Variants in DLG2 observed in about 807,000 individuals in gnomAD.
DLG2 encodes the protein discs large MAGUK scaffold protein 2.
Under a neutral mutation model 132.5 loss-of-function variants are expected in DLG2, and 45 were observed. The ratio of observed to expected loss-of-function variants is 0.34; its 90% CI spans 0.27 to 0.44. DLG2 has a LOEUF of 0.44. Among genes scored for constraint, DLG2 ranks in the 20% least tolerant of loss-of-function variants. The pLI, the probability that DLG2 is intolerant of heterozygous loss-of-function variation, is 1.00. For synonymous variants in DLG2, 424 were observed against 419.6 expected (o/e 1.01, Z -0.13); for missense variants, 1,045 against 1,196.9 (o/e 0.87, Z 1.87).
intron 7 of DLG2, among the ~76,000 whole-genome samples, chr11:84,501,938 T>A (rs1017008502): frequency 3.9e-5 from 6 of 152,104 alleles, no homozygotes; most frequent in Non-Finnish European, 8.8e-5. Flanking sequence ...TCCTGCTTTT[T>A]CCCCCAAGCA....
chr11:85,613,656 A>T (rs374278174), intron 2 of DLG2, among the ~76,000 whole-genome samples: 1 of 152,202 alleles, frequency 6.6e-6, no homozygotes, highest in Non-Finnish European at 1.5e-5. Context: ...AAAACGGACC[A>T]ATCAGCACTC....
intron 11 of DLG2, among the ~76,000 whole-genome samples, chr11:84,042,270 T>C (rs562276371): frequency 9.2e-5 from 14 of 151,908 alleles, no homozygotes; most frequent in Non-Finnish European, 1.8e-4. Context: ...ATTTTCAGAA[T>C]CTATAGTCTT....
intron 6 of DLG2, chr11:84,640,389 T>G (rs947765565): frequency 4.4e-5 from 17 of 384,726 alleles, no homozygotes; most frequent in Middle Eastern, 1.9e-3. Context: ...TGTTGCTTGT[T>G]TGGTATCTCA....
chr11:84,273,397 A>G, intron 7 of DLG2: 1 of 1,260,312 alleles, frequency 7.9e-7, no homozygotes, highest in Non-Finnish European at 1.0e-6. Context: ...TAAGACTTAA[A>G]AAAAAAGTTA....
At chr11:85,440,356 G>C (rs1165241262) in intron 3 of DLG2, among the ~76,000 whole-genome samples, 1 of 152,054 alleles carries the variant, frequency 6.6e-6, no homozygotes, top group Non-Finnish European at 1.5e-5. Context: ...AAGATGTTTG[G>C]TACATAGCAA....
rs1259298428 is a variant in DLG2 at position 84,263,526 on chromosome 11, T to G, written c.520-12235A>C. The stretch of plus-strand genomic sequence containing the variant: ...GGTTAATTTTCTGGCCTAAGAACTA[T>G]GTAATCAGCAGCAAGGAGTTCTCTT... On this transcript the variant is annotated intron_variant, in intron 7 of 27. Transcript: ENST00000376104. Among the ~76,000 whole-genome samples the G allele has an allele frequency of 2.0e-5, 3 of 152,282 alleles. No individual in the cohort carries two copies. The East Asian group carries it at 5.8e-4, about 29-fold the overall frequency.
chr11:84,799,664 T>A (rs1333269774), intron 6 of DLG2, among the ~76,000 whole-genome samples: 1 of 152,200 alleles, frequency 6.6e-6, no homozygotes, highest in Non-Finnish European at 1.5e-5. Context: ...AAAGATAATT[T>A]TGAGACTCTC....
chr11:84,444,801 C>CTT (rs555951100), intron 7 of DLG2, among the ~76,000 whole-genome samples: 9 of 139,594 alleles, frequency 6.4e-5, no homozygotes, highest in Admixed American at 3.6e-4. Flanking sequence ...TTATTGTATA[C>CTT]TTTTTTTTTT....
At chr11:84,539,502 G>C (rs1358703289) in intron 6 of DLG2, among the ~76,000 whole-genome samples, 2 of 152,170 alleles carry the variant, frequency 1.3e-5, no homozygotes, top group Admixed American at 1.3e-4. Flanking sequence ...ATTGGCAGAA[G>C]GCCTCTGTAT....
intron 6 of DLG2, among the ~76,000 whole-genome samples, chr11:84,800,233 T>C (rs1354497174): frequency 6.6e-6 from 1 of 152,206 alleles, no homozygotes; most frequent in African/African-American, 2.4e-5. Context: ...GCTCTCCCTT[T>C]CTCTCCATTC....
Position 83,962,929 on chromosome 11 carries a change from G to A in DLG2, c.1296C>T (p.Tyr432=). The A allele has an allele frequency of 6.2e-7, 1 of 1,613,206 alleles. No individual in the cohort carries two copies. Among genetic ancestry groups the A allele is most frequent in the Non-Finnish European group, 8.5e-7 (1 of 1,179,266 alleles). ...TSLPPISPGR[Y]SPIPKHMLVD... ...CAAGCATGTGCTTTGGAATTGGTGA[G>A]TACCTTCCTGGAGAGATGGGTGGCA... The change falls in exon 14 of 28, where the codon TAC becomes TAT. Residue 432 remains tyrosine, a synonymous_variant. Transcript: ENST00000376104.
intron 7 of DLG2, among the ~76,000 whole-genome samples, chr11:84,490,886 C>CGTGT (rs113318666): frequency 0.037 from 5,447 of 147,914 alleles, 225 homozygotes; most frequent in African/African-American, 0.1. Flanking sequence ...TGAATGGTTG[C>CGTGT]GTGTGTGTGT....
intron 3 of DLG2, chr11:85,336,056 GT>G (rs1183505662): frequency 6.6e-6 from 1 of 152,278 alleles, no homozygotes; most frequent in Non-Finnish European, 1.5e-5. Flanking sequence ...ACCTGATGCG[GT>G]TCCCTTTGTA....
chr11:85,400,492 T>C (rs1273960904), intron 3 of DLG2, among the ~76,000 whole-genome samples: 1 of 149,622 alleles, frequency 6.7e-6, no homozygotes, highest in Admixed American at 6.7e-5. Flanking sequence ...CGTATGTTTA[T>C]TGCGGCATTA....
rs550280317 is a variant in DLG2, at chr11:83,627,285, C to G, written c.1940+5926G>C. Among the ~76,000 whole-genome samples the G allele has an allele frequency of 1.4e-4, 21 of 151,730 alleles. 2 individuals carry two copies. The East Asian group carries it at 3.9e-3, about 28-fold the overall frequency. ...GGTTTGTTACATATGTATACATGTGCCATGTTGGTGTGCTGCACCCAGTTA... is the reference window on the plus strand; with the variant it reads ...GGTTTGTTACATATGTATACATGTGGCATGTTGGTGTGCTGCACCCAGTTA... On this transcript the variant is annotated intron_variant, in intron 19 of 27. Coordinates refer to ENST00000376104, the MANE Select transcript of DLG2 (RefSeq NM_001142699.3).
At chr11:84,353,508 C>T (rs2098594001) in intron 7 of DLG2, among the ~76,000 whole-genome samples, 1 of 152,050 alleles carries the variant, frequency 6.6e-6, no homozygotes. Context: ...TTTAATTCAC[C>T]CACACCTCCA....
chr11:85,330,793 A>T (rs1461298918), intron 3 of DLG2, among the ~76,000 whole-genome samples: 1,289 of 20,688 alleles, frequency 0.062, 6 homozygotes, highest in Non-Finnish European at 0.082. Context: ...AAAAAAAATT[A>T]AAAAAAAAAA....
chr11:84,808,155 G>GA (rs1342895149), intron 6 of DLG2, among the ~76,000 whole-genome samples: 3 of 151,942 alleles, frequency 2.0e-5, no homozygotes, highest in East Asian at 3.9e-4. Context: ...TATCTGACCA[G>GA]AAAAAAGCAA....
At chr11:84,435,152 T>C (rs1403652160) in intron 7 of DLG2, among the ~76,000 whole-genome samples, 1 of 152,132 alleles carries the variant, frequency 6.6e-6, no homozygotes, top group Non-Finnish European at 1.5e-5. Context: ...TGCCCCACTG[T>C]TTTGCAACTA....
Sources: allele counts gnomAD v4.1 joint callset (sites outside exome capture counted in the v4.1 genomes callset), GRCh38; gene constraint gnomAD v4.1.1; transcripts MANE v1.5; gene names NCBI Gene and HGNC (gene_info 2026-07-23, HGNC 2026-07-21).